SOX6: variants seen among roughly 807,000 people sequenced by gnomAD.
SOX6 encodes the protein transcription factor SOX-6.
Under a neutral mutation model 97.8 loss-of-function variants are expected in SOX6, and 11 were observed. The observed-to-expected ratio is 0.11, with a 90% CI of 0.07 to 0.19. The LOEUF (loss-of-function observed/expected upper bound fraction) is 0.19. Among genes scored for constraint, SOX6 ranks in the 10% least tolerant of loss-of-function variants. The pLI is 1.00. For missense variants in SOX6, 810 were observed against 1,039.5 expected, an observed-to-expected ratio of 0.78 and a Z score of 3.04; for synonymous variants, 360 against 371.4, an observed-to-expected ratio of 0.97 and a Z score of 0.35.
At chr11:16,538,196 C>T (rs891096062) in intron 4 of SOX6, among the ~76,000 whole-genome samples, 1 of 152,138 alleles carries the variant, frequency 6.6e-6, no homozygotes, top group Non-Finnish European at 1.5e-5. Flanking sequence ...AAAGAATTTT[C>T]CACCCAGAAT....
intron 4 of SOX6, among the ~76,000 whole-genome samples, chr11:16,207,407 C>A (rs1170978292): frequency 2.6e-5 from 4 of 151,992 alleles, no homozygotes; most frequent in Admixed American, 1.3e-4. Flanking sequence ...TCGAGACCAT[C>A]CTGGCTAACA....
chr11:16,276,733 C>T (rs1403629449), intron 3 of SOX6, among the ~76,000 whole-genome samples: 2 of 152,154 alleles, frequency 1.3e-5, no homozygotes, highest in African/African-American at 4.8e-5. Flanking sequence ...CTTCAGACTT[C>T]CTGCTATGTG....
intron 7 of SOX6, among the ~76,000 whole-genome samples, chr11:16,110,750 C>T (rs1849209703): frequency 1.3e-5 from 2 of 152,160 alleles, no homozygotes; most frequent in Admixed American, 1.3e-4. Flanking sequence ...GCAATTAAAA[C>T]AGATGCTAAA....
At chr11:16,342,734 A>G (rs1461012692) in intron 1 of SOX6, among the ~76,000 whole-genome samples, 1 of 151,952 alleles carries the variant, frequency 6.6e-6, no homozygotes, top group East Asian at 1.9e-4. Flanking sequence ...ACAATTAATG[A>G]GGGGGCTCAG....
At chr11:16,485,290 A>G (rs1003306658) in intron 4 of SOX6, among the ~76,000 whole-genome samples, 7 of 152,148 alleles carry the variant, frequency 4.6e-5, no homozygotes, top group African/African-American at 1.7e-4. Flanking sequence ...ACAAAACAAA[A>G]CAAAAAAAAT....
chr11:16,032,270 A>G (rs998166367), intron 12 of SOX6, among the ~76,000 whole-genome samples: 7 of 152,136 alleles, frequency 4.6e-5, no homozygotes, highest in Non-Finnish European at 1.0e-4. Context: ...ATTTGAACCT[A>G]GAGTTACCTG....
chr11:16,716,848 G>GA (rs1848223119), intron 2 of SOX6, among the ~76,000 whole-genome samples: 1 of 151,904 alleles, frequency 6.6e-6, no homozygotes, highest in Non-Finnish European at 1.5e-5. Flanking sequence ...CTCAAAAACA[G>GA]AAAAAAATTA....
rs1045330045 is a variant in SOX6, at chr11:15,968,086, T to A, written c.*4723A>T. 6.6e-6 allele frequency: 1 copy of A among 152,116 alleles called. No individual in the cohort carries two copies. The highest frequency in any genetic ancestry group is 1.5e-5 in the Non-Finnish European group (1 of 68,032). 9.4% of individuals were successfully genotyped at this position (152,116 alleles called of 1,614,324 possible). On this transcript the variant is annotated 3_prime_UTR_variant, in exon 16 of 16. Coordinates refer to ENST00000683767, the MANE Select transcript of SOX6 (RefSeq NM_001367873.1). ...AGGATATGGCATCAGAAACAGAACA[T>A]CATTGGCAGGAATAACAGACAGAAG...
chr11:16,209,256 A>G (rs1294212289), intron 4 of SOX6, among the ~76,000 whole-genome samples: 1 of 152,210 alleles, frequency 6.6e-6, no homozygotes, highest in Non-Finnish European at 1.5e-5. Flanking sequence ...ATAAGTGGAC[A>G]AAAGCTATAA....
chr11:16,323,162 T>C (rs530818299), intron 2 of SOX6, among the ~76,000 whole-genome samples: 130 of 152,230 alleles, frequency 8.5e-4, no homozygotes, highest in Non-Finnish European at 1.6e-3. Context: ...CCATGTTGAT[T>C]CAGATAATCT....
intron 1 of SOX6, among the ~76,000 whole-genome samples, chr11:16,443,895 C>T (rs902438225): frequency 5.9e-5 from 9 of 151,866 alleles, no homozygotes; most frequent in Non-Finnish European, 1.2e-4. Context: ...CACCTGTAGT[C>T]CCAGCTACTC....
At chr11:16,044,905 T>C (rs907052863) in intron 12 of SOX6, among the ~76,000 whole-genome samples, 22 of 152,170 alleles carry the variant, frequency 1.4e-4, no homozygotes, top group African/African-American at 5.1e-4. Context: ...GACTCAGTTA[T>C]ATTCAGTGTG....
At chr11:16,679,786 C>T (rs540928841) in intron 3 of SOX6, among the ~76,000 whole-genome samples, 5 of 152,250 alleles carry the variant, frequency 3.3e-5, no homozygotes, top group African/African-American at 1.2e-4. Context: ...GAGCTGAAAA[C>T]CAAAGCACAA....
At chr11:16,585,410 C>T (rs542259029) in intron 4 of SOX6, among the ~76,000 whole-genome samples, 1 of 152,086 alleles carries the variant, frequency 6.6e-6, no homozygotes, top group Non-Finnish European at 1.5e-5. Flanking sequence ...TACTGTTTTA[C>T]AGGTAAGGAA....
intron 6 of SOX6, among the ~76,000 whole-genome samples, chr11:16,140,859 A>C (rs2134038633): frequency 6.6e-6 from 1 of 152,318 alleles, no homozygotes; most frequent in East Asian, 1.9e-4. Context: ...GTTTCTTTTC[A>C]ATTTAAGGAT....
chr11:16,722,100 AC>A (rs1159942558), intron 2 of SOX6, among the ~76,000 whole-genome samples: 10 of 152,196 alleles, frequency 6.6e-5, no homozygotes, highest in African/African-American at 1.9e-4. Flanking sequence ...CCTAGGCAAT[AC>A]CATCCTGGAC....
chr11:16,630,343 T>G (rs954500908), intron 3 of SOX6, among the ~76,000 whole-genome samples: 7 of 152,200 alleles, frequency 4.6e-5, no homozygotes, highest in Non-Finnish European at 7.4e-5. Context: ...ATTTCATTGT[T>G]TACCCAAAAG....
At chr11:16,231,949 GA>G (rs2134172147) in intron 4 of SOX6, among the ~76,000 whole-genome samples, 2 of 151,812 alleles carry the variant, frequency 1.3e-5, no homozygotes, top group African/African-American at 4.8e-5. Context: ...AAAATGGAAA[GA>G]ATATACAATA....
chr11:16,538,158 AG>A (rs1340249831), intron 4 of SOX6, among the ~76,000 whole-genome samples: 8 of 152,114 alleles, frequency 5.3e-5, no homozygotes, highest in Non-Finnish European at 7.4e-5. Context: ...CAGAAGAGGG[AG>A]GGGCCAATAT....
Sources: allele counts gnomAD v4.1 joint callset (sites outside exome capture counted in the v4.1 genomes callset), GRCh38; gene constraint gnomAD v4.1.1; transcripts MANE v1.5; gene names NCBI Gene and HGNC (gene_info 2026-07-23, HGNC 2026-07-21).